SNTG2: variants seen among roughly 807,000 people sequenced by gnomAD.
The protein encoded by SNTG2 is gamma-2-syntrophin.
In SNTG2, 74 loss-of-function variants were observed where a neutral mutation model predicts 70.9. The ratio of observed to expected loss-of-function variants is 1.04; its 90% confidence interval spans 0.86 to 1.27. SNTG2 has a LOEUF of 1.27. Ranked by LOEUF, SNTG2 falls within the 50% of genes most tolerant of loss-of-function variation. The pLI, the probability that SNTG2 is intolerant of heterozygous loss-of-function variation, is 0.00. For synonymous variants in SNTG2, 278 were observed against 273.8 expected, an observed-to-expected ratio of 1.02 and a Z score of -0.15; for missense variants, 717 against 690.7, an observed-to-expected ratio of 1.04 and a Z score of -0.43.
intron 9 of SNTG2, among the ~76,000 whole-genome samples, chr2:1,236,547 G>T (rs1204457567): frequency 6.6e-6 from 1 of 152,234 alleles, no homozygotes; most frequent in Admixed American, 6.5e-5. Flanking sequence ...AGAGTACCTT[G>T]TTCATCGCCA....
At chr2:952,680 A>C (rs1172372173) in intron 1 of SNTG2, among the ~76,000 whole-genome samples, 1 of 152,146 alleles carries the variant, frequency 6.6e-6, no homozygotes, top group Non-Finnish European at 1.5e-5. Flanking sequence ...TTAGCGTTGG[A>C]GGCCAAGTAT....
intron 4 of SNTG2, among the ~76,000 whole-genome samples, chr2:1,136,446 G>A (rs1400104577): frequency 2.0e-5 from 3 of 151,816 alleles, no homozygotes; most frequent in African/African-American, 4.8e-5. Flanking sequence ...GCACAGTTTC[G>A]GTGCAAATGA....
intron 9 of SNTG2, among the ~76,000 whole-genome samples, chr2:1,215,809 G>GT (rs1306602376): frequency 6.6e-6 from 1 of 150,816 alleles, no homozygotes; most frequent in Non-Finnish European, 1.5e-5. Context: ...GCAGTGTTTG[G>GT]TTTTTTGTCC....
intron 14 of SNTG2, among the ~76,000 whole-genome samples, chr2:1,276,873 G>A (rs1239477399): frequency 1.3e-5 from 2 of 152,220 alleles, no homozygotes; most frequent in Non-Finnish European, 2.9e-5. Flanking sequence ...GAGTTTGGAA[G>A]AAGCTGATTC....
chr2:1,260,986 A>T (rs1678384751), intron 13 of SNTG2, among the ~76,000 whole-genome samples: 1 of 152,204 alleles, frequency 6.6e-6, no homozygotes, highest in Non-Finnish European at 1.5e-5. Context: ...TCATTTTCCC[A>T]GGAAGATTAT....
intron 14 of SNTG2, among the ~76,000 whole-genome samples, chr2:1,295,472 C>A (rs1323946802): frequency 6.6e-6 from 1 of 152,204 alleles, no homozygotes; most frequent in Non-Finnish European, 1.5e-5. Flanking sequence ...CCAGAGGCAT[C>A]TATTATAATA....
intron 14 of SNTG2, among the ~76,000 whole-genome samples, chr2:1,283,150 G>A (rs1679626009): frequency 6.6e-6 from 1 of 152,070 alleles, no homozygotes; most frequent in African/African-American, 2.4e-5. Context: ...GCTCCTTCCG[G>A]GAAAGGCAGG....
chr2:1,006,845 G>A (rs1160080188), intron 1 of SNTG2, among the ~76,000 whole-genome samples: 1 of 151,960 alleles, frequency 6.6e-6, no homozygotes, highest in African/African-American at 2.4e-5. Context: ...GACCATCATG[G>A]TGAAACAAAC....
chr2:1,131,631 A>G (rs6736725), intron 4 of SNTG2, among the ~76,000 whole-genome samples: 90,203 of 151,552 alleles, frequency 0.6, 27,569 homozygotes, highest in East Asian at 0.72. Context: ...ACCTGTTTGC[A>G]AATCCTTTTT....
intron 1 of SNTG2, among the ~76,000 whole-genome samples, chr2:1,081,526 C>T (rs542818896): frequency 6.6e-6 from 1 of 152,244 alleles, no homozygotes; most frequent in Non-Finnish European, 1.5e-5. Flanking sequence ...GCTCAGCCCT[C>T]GGTCAGGCAG....
At chr2:1,168,143 G>T (rs1365668239) in intron 7 of SNTG2, among the ~76,000 whole-genome samples, 4 of 137,924 alleles carry the variant, frequency 2.9e-5, no homozygotes, top group Non-Finnish European at 6.1e-5. Context: ...CGGCAGAACT[G>T]AAACCTACAA....
At chr2:1,113,154 C>CTT (rs1198099638) in intron 4 of SNTG2, among the ~76,000 whole-genome samples, 1 of 138,692 alleles carries the variant, frequency 7.2e-6, no homozygotes, top group Non-Finnish European at 1.6e-5. Context: ...TGAGGAGGAT[C>CTT]GTGGGTACTA....
chr2:955,823 G>A (rs904116858), intron 1 of SNTG2, among the ~76,000 whole-genome samples: 1 of 149,708 alleles, frequency 6.7e-6, no homozygotes, highest in Non-Finnish European at 1.5e-5. Context: ...AAGTCCTCTA[G>A]CAAGTCCTCT....
At chr2:1,104,424 C>T (rs79522654) in intron 4 of SNTG2, among the ~76,000 whole-genome samples, 2,369 of 152,196 alleles carry the variant, frequency 0.016, 59 homozygotes, top group African/African-American at 0.055. Context: ...ATTAGTGATA[C>T]GAGATTTGAT....
intron 11 of SNTG2, among the ~76,000 whole-genome samples, chr2:1,243,048 T>C (rs1677151773): frequency 6.6e-6 from 1 of 152,186 alleles, no homozygotes; most frequent in Non-Finnish European, 1.5e-5. Context: ...GCATCCGATG[T>C]TTCCAACAAT....
intron 7 of SNTG2, among the ~76,000 whole-genome samples, chr2:1,169,950 A>G (rs1037281854): frequency 2.7e-5 from 4 of 149,534 alleles, no homozygotes; most frequent in African/African-American, 9.8e-5. Context: ...CAAGACAGCC[A>G]TAATCTCTCT....
chr2:1,219,026 T>C (rs1674578752), intron 9 of SNTG2, among the ~76,000 whole-genome samples: 1 of 152,198 alleles, frequency 6.6e-6, no homozygotes, highest in African/African-American at 2.4e-5. Flanking sequence ...TAATCCCCAG[T>C]GCTGGAGGTA....
intron 12 of SNTG2, among the ~76,000 whole-genome samples, chr2:1,253,277 C>A (rs1677867982): frequency 6.6e-6 from 1 of 151,756 alleles, no homozygotes; most frequent in Non-Finnish European, 1.5e-5. Context: ...AATCAGACCT[C>A]TCTCAGGAGA....
rs373262983 is a variant in SNTG2 at position 1,316,239 on chromosome 2, C to T, written c.1378-26C>T. 27 of 1,146,864 alleles carry T rather than the reference C, an allele frequency of 2.4e-5. No homozygotes were observed. The African/African-American group carries it at 2.5e-4, about 11-fold the overall frequency. 71.0% of individuals were successfully genotyped at this position (1,146,864 alleles called of 1,614,324 possible). A position where few individuals can be genotyped will look rare whatever the true frequency, so the allele number is the denominator to read the frequency against. ...AATAAATGAGCTCTTGTTTAGAAAT[C>T]GCTAATTAATTTTATTCCTTTACAG... On this transcript the variant is annotated intron_variant, in intron 15 of 16. Coordinates refer to ENST00000308624, the MANE Select transcript of SNTG2 (RefSeq NM_018968.4).
Sources: allele counts gnomAD v4.1 joint callset (sites outside exome capture counted in the v4.1 genomes callset), GRCh38; gene constraint gnomAD v4.1.1; transcripts MANE v1.5; gene names NCBI Gene and HGNC (gene_info 2026-07-23, HGNC 2026-07-21).